Variants in ITGA9 observed in about 807,000 individuals in gnomAD.
The protein encoded by ITGA9 is integrin subunit alpha 9.
ITGA9 carries 56 observed loss-of-function variants against 127.8 expected under a neutral mutation model. The observed-to-expected ratio is 0.44, with a 90% confidence interval of 0.35 to 0.55. The LOEUF (loss-of-function observed/expected upper bound fraction) is 0.55. Among genes scored for constraint, ITGA9 ranks in the 20% least tolerant of loss-of-function variants. The pLI is 0.00. For synonymous variants in ITGA9, 508 were observed against 514.5 expected (o/e 0.99, Z 0.17); for missense variants, 1,196 against 1,347.1 (o/e 0.89, Z 1.76).
At chr3:37,744,583 G>C (rs1462585361) in intron 22 of ITGA9, among the ~76,000 whole-genome samples, 2 of 152,218 alleles carry the variant, frequency 1.3e-5, no homozygotes, top group African/African-American at 4.8e-5. Flanking sequence ...CAGGCACACA[G>C]GCATCATTTC....
chr3:37,584,081 G>A (rs140723824), intron 15 of ITGA9, among the ~76,000 whole-genome samples: 111 of 152,236 alleles, frequency 7.3e-4, no homozygotes, highest in African/African-American at 2.5e-3. Context: ...ATAACAAACT[G>A]CCCCACAACT....
At chr3:37,456,543 T>A (rs1283093263) in intron 1 of ITGA9, among the ~76,000 whole-genome samples, 1 of 152,182 alleles carries the variant, frequency 6.6e-6, no homozygotes, top group Admixed American at 6.5e-5. Flanking sequence ...CCCCTCCTCC[T>A]TCTCTGCCCC....
chr3:37,722,506 T>C (rs1026556102), intron 18 of ITGA9, among the ~76,000 whole-genome samples: 1 of 152,214 alleles, frequency 6.6e-6, no homozygotes, highest in Non-Finnish European at 1.5e-5. Flanking sequence ...AGAAATCTAC[T>C]TTCTTTCTCT....
chr3:37,787,135 C>T (rs1697051326), intron 26 of ITGA9, among the ~76,000 whole-genome samples: 1 of 152,186 alleles, frequency 6.6e-6, no homozygotes, highest in African/African-American at 2.4e-5. Flanking sequence ...GTTCCCTGCT[C>T]ATTGTCATAG....
chr3:37,643,151 G>C (rs1042297950), intron 16 of ITGA9, among the ~76,000 whole-genome samples: 6 of 152,164 alleles, frequency 3.9e-5, no homozygotes, highest in African/African-American at 1.2e-4. Context: ...CAGCAGTTTG[G>C]CTCAGCAGGA....
At chr3:37,488,797 C>CAAA (rs768433502) in intron 4 of ITGA9, among the ~76,000 whole-genome samples, 5 of 125,452 alleles carry the variant, frequency 4.0e-5, no homozygotes, top group African/African-American at 1.5e-4. Flanking sequence ...GACTCTGTCT[C>CAAA]AAAAAAAAAA....
At chr3:37,476,427 A>G (rs1192449064) in intron 3 of ITGA9, among the ~76,000 whole-genome samples, 2 of 151,536 alleles carry the variant, frequency 1.3e-5, no homozygotes, top group Admixed American at 1.3e-4. Flanking sequence ...TTTGGTTTGC[A>G]TCTCCCTGAT....
intron 3 of ITGA9, among the ~76,000 whole-genome samples, chr3:37,475,879 G>C (rs1341695937): frequency 6.6e-6 from 1 of 152,112 alleles, no homozygotes; most frequent in Non-Finnish European, 1.5e-5. Context: ...CCTTCCCGTG[G>C]TTCCTGGCAA....
intron 21 of ITGA9, among the ~76,000 whole-genome samples, chr3:37,743,278 C>T (rs1004874946): frequency 1.3e-5 from 2 of 152,232 alleles, no homozygotes; most frequent in African/African-American, 4.8e-5. Context: ...CCTCCAGCAT[C>T]TAGAAGTCGA....
At chr3:37,729,818 C>T (rs865887277) in intron 18 of ITGA9, among the ~76,000 whole-genome samples, 4 of 151,614 alleles carry the variant, frequency 2.6e-5, no homozygotes, top group African/African-American at 9.7e-5. Context: ...ATTCTCCTGC[C>T]GCAGCCTTCT....
intron 23 of ITGA9, among the ~76,000 whole-genome samples, chr3:37,777,139 C>A (rs1197076172): frequency 1.3e-5 from 2 of 152,212 alleles, no homozygotes; most frequent in African/African-American, 4.8e-5. Context: ...ATTTCCTAGT[C>A]ACATCTCATT....
rs573634541 is a variant in ITGA9 at position 37,650,051 on chromosome 3, T to C, written c.1840-3663T>C. On this transcript the variant is annotated intron_variant, in intron 16 of 27. Coordinates refer to ENST00000264741, the MANE Select transcript of ITGA9 (RefSeq NM_002207.3). ...GAGGACATCTCTGAGGTTTTCACTG[T>C]CATGGTGACTCACGTAGCCTGCAAG... 2.6e-5 allele frequency among the ~76,000 whole-genome samples: 4 copies of C among 152,338 alleles called. No homozygotes were observed. In the East Asian group the frequency reaches 7.7e-4, roughly 29 times the overall value.
rs1457021277 is a variant in ITGA9, at chr3:37,683,790, T to C, written c.1917-75T>C. ...TGATCTCGGTTTCTGCCCCCCACCT[T>C]CAACTACCCCCTGTGCCTCATGTTA... is the stretch of plus-strand genomic sequence containing the variant. On this transcript the variant is annotated intron_variant, in intron 17 of 27. Transcript: ENST00000264741. 6 of 1,507,330 alleles carry C rather than the reference T, an allele frequency of 4.0e-6. No homozygotes were observed. In the African/African-American group the frequency reaches 5.5e-5, roughly 14 times the overall value. 93.4% of individuals were successfully genotyped at this position (1,507,330 alleles called of 1,614,324 possible).
chr3:37,758,226 G>A (rs1431545745), intron 23 of ITGA9, among the ~76,000 whole-genome samples: 1 of 147,116 alleles, frequency 6.8e-6, no homozygotes, highest in East Asian at 2.0e-4. Context: ...GGGAGGCTGA[G>A]GCAGGAGAAT....
At chr3:37,501,107 A>G (rs1341064389) in intron 5 of ITGA9, among the ~76,000 whole-genome samples, 7 of 152,182 alleles carry the variant, frequency 4.6e-5, no homozygotes, top group Non-Finnish European at 8.8e-5. Context: ...TAGGTGCCCA[A>G]TAAACATTGT....
intron 16 of ITGA9, among the ~76,000 whole-genome samples, chr3:37,636,513 T>C (rs1295513669): frequency 2.6e-5 from 4 of 152,222 alleles, no homozygotes; most frequent in African/African-American, 7.2e-5. Flanking sequence ...TTTGAGTTCA[T>C]TGTAGATTCT....
At chr3:37,525,921 C>G (rs1201981611) in intron 12 of ITGA9, 105 bp from the exon 13 acceptor site, 4 of 899,974 alleles carry the variant, frequency 4.4e-6, no homozygotes, top group Non-Finnish European at 7.5e-6. Flanking sequence ...TCTGAGGGCT[C>G]TCCGGCCTCA....
At chr3:37,537,424 G>A (rs1248822786) in intron 14 of ITGA9, among the ~76,000 whole-genome samples, 1 of 152,168 alleles carries the variant, frequency 6.6e-6, no homozygotes, top group Non-Finnish European at 1.5e-5. Context: ...AGGTTTGCAG[G>A]GTCCCAGCTC....
chr3:37,790,149 A>G (rs1023103934), intron 26 of ITGA9: 4 of 566,104 alleles, frequency 7.1e-6, no homozygotes, highest in African/African-American at 5.7e-5. Context: ...TATCAAAGTG[A>G]TGACCTTTCA....
Sources: gnomAD v4.1 joint callset for allele counts (sites outside exome capture counted in the v4.1 genomes callset) on GRCh38, gnomAD v4.1.1 for gene constraint, MANE v1.5 for transcripts, NCBI Gene and HGNC (gene_info 2026-07-23, HGNC 2026-07-21) for gene names.